Variants in TFDP2 observed in about 807,000 individuals in gnomAD.
The protein encoded by TFDP2 is transcription factor Dp-2 (E2F dimerization partner 2).
TFDP2 carries 17 observed loss-of-function variants against 59.3 expected under a neutral mutation model. That is an observed-to-expected ratio of 0.29 (90% CI 0.20 to 0.43). TFDP2 has a LOEUF of 0.43. Ranked by LOEUF, TFDP2 falls within the 20% of genes least tolerant of loss-of-function variation. The pLI is 1.00. For missense variants in TFDP2, 391 were observed against 528.8 expected (o/e 0.74, Z 2.56); for synonymous variants, 180 against 194.7 (o/e 0.92, Z 0.63).
At chr3:141,999,553 A>C (rs564606512) in intron 4 of TFDP2, among the ~76,000 whole-genome samples, 54 of 152,294 alleles carry the variant, frequency 3.5e-4, no homozygotes, top group African/African-American at 1.2e-3. Flanking sequence ...GAAAAGGGCA[A>C]GTATCTCAAA....
At chr3:141,975,749 C>T (rs1347130360) in intron 7 of TFDP2, among the ~76,000 whole-genome samples, 1 of 149,560 alleles carries the variant, frequency 6.7e-6, no homozygotes, top group African/African-American at 2.5e-5. Context: ...ACTGTAACAA[C>T]AAGTACTGGG....
intron 3 of TFDP2, among the ~76,000 whole-genome samples, chr3:142,050,434 G>A (rs28733293): frequency 2.6e-5 from 4 of 151,848 alleles, no homozygotes; most frequent in Admixed American, 6.6e-5. Flanking sequence ...GGTGGCTCAC[G>A]CCTGTAATCC....
rs1424983171 is a variant in TFDP2, at chr3:142,121,514, C to A, written c.-92-19673G>T. Reference sequence around the variant, plus strand: ...AATTAAGAACTATGAGATGAAAATGCCATCAAACTAGAAGAGTTAACACAG... The same window carrying A: ...AATTAAGAACTATGAGATGAAAATGACATCAAACTAGAAGAGTTAACACAG... On this transcript the variant is annotated intron_variant, in intron 1 of 12. Coordinates refer to ENST00000489671, the MANE Select transcript of TFDP2 (RefSeq NM_001178139.2). This position sits in a 1 kb window ranked among gnomAD's most constrained non-coding sequence, Gnocchi z 4.3. 2.0e-5 allele frequency among the ~76,000 whole-genome samples: 3 copies of A among 152,060 alleles called. No individual in the cohort carries two copies. Among genetic ancestry groups the A allele is most frequent in the African/African-American group, 7.2e-5 (3 of 41,394 alleles).
chr3:142,028,963 G>T (rs1946288308), intron 3 of TFDP2: 1 of 152,902 alleles, frequency 6.5e-6, no homozygotes, highest in Non-Finnish European at 1.5e-5. Flanking sequence ...AAAGTAAAAA[G>T]GGTGAAATAA....
chr3:142,100,086 A>C (rs2061274626), intron 2 of TFDP2, among the ~76,000 whole-genome samples: 1 of 152,236 alleles, frequency 6.6e-6, no homozygotes, highest in Non-Finnish European at 1.5e-5. Flanking sequence ...ATTATAACCC[A>C]AAATAAGCAA....
At chr3:142,144,277 G>C (rs1464382230) in intron 1 of TFDP2, among the ~76,000 whole-genome samples, 3 of 152,024 alleles carry the variant, frequency 2.0e-5, no homozygotes, top group Non-Finnish European at 4.4e-5. Flanking sequence ...GGGAGGTTGA[G>C]GCACAAGAAT....
intron 9 of TFDP2, among the ~76,000 whole-genome samples, chr3:141,969,862 G>A (rs992474909): frequency 6.6e-6 from 1 of 152,188 alleles, no homozygotes; most frequent in African/African-American, 2.4e-5. Flanking sequence ...ACAGGGCAGG[G>A]AAGCTACTGT....
chr3:142,107,378 C>T (rs758293071), intron 1 of TFDP2, among the ~76,000 whole-genome samples: 1 of 151,696 alleles, frequency 6.6e-6, no homozygotes, highest in Admixed American at 6.6e-5. Flanking sequence ...ATTACAGGCG[C>T]GTGCCACCAC....
intron 3 of TFDP2, among the ~76,000 whole-genome samples, chr3:142,065,630 GCCT>G (rs1028917599): frequency 5.3e-5 from 8 of 151,780 alleles, no homozygotes; most frequent in Non-Finnish European, 1.2e-4. Context: ...TCCCACCTCA[GCCT>G]CCTGAGTAGC....
intron 3 of TFDP2, among the ~76,000 whole-genome samples, chr3:142,042,683 G>T (rs1362039429): frequency 8.4e-6 from 1 of 118,824 alleles, no homozygotes; most frequent in Non-Finnish European, 1.7e-5. Context: ...AATCTGTGAT[G>T]AATTTTATAT....
At chr3:141,970,028 A>C in intron 9 of TFDP2, 45 bp downstream of exon 9, 1 of 1,566,084 alleles carries the variant, frequency 6.4e-7, no homozygotes, top group Non-Finnish European at 8.8e-7. Context: ...AAAGGCAGCA[A>C]GTGGAGAAAC....
At chr3:141,959,884 A>T in intron 10 of TFDP2, 44 bp from the exon 11 acceptor site, 1 of 1,593,628 alleles carries the variant, frequency 6.3e-7, no homozygotes, top group Non-Finnish European at 8.6e-7. Context: ...GGTGCTGGAG[A>T]GGTCTGAATA....
rs1012002195 is a variant in TFDP2 at position 141,980,078 on chromosome 3, T to A, written c.357-1396A>T. Among the ~76,000 whole-genome samples the A allele has an allele frequency of 8.0e-4, 121 of 151,708 alleles. 1 individual carries two copies. The highest frequency in any genetic ancestry group is 2.8e-4 in the Non-Finnish European group (19 of 67,876). ...TGCATGTCACCATGCCTCGCTAATT[T>A]CTTTTTTGTAGAGACAGGGTCTCAT... On this transcript the variant is annotated intron_variant, in intron 6 of 12. Transcript: ENST00000489671.
At chr3:141,968,191 C>CTT (rs35807930) in intron 9 of TFDP2, among the ~76,000 whole-genome samples, 1 of 133,038 alleles carries the variant, frequency 7.5e-6, no homozygotes, top group Admixed American at 8.2e-5. Flanking sequence ...TCAGTTTCAG[C>CTT]TTTTTTTTTT....
At chr3:142,120,316 C>T (rs1038421765) in intron 1 of TFDP2, among the ~76,000 whole-genome samples, 3 of 149,006 alleles carry the variant, frequency 2.0e-5, no homozygotes, top group Non-Finnish European at 3.0e-5. Flanking sequence ...GAGCCAAGAT[C>T]GCGCCACTGC....
chr3:142,103,516 TA>T (rs1298134771), intron 1 of TFDP2, among the ~76,000 whole-genome samples: 8 of 152,124 alleles, frequency 5.3e-5, no homozygotes, highest in African/African-American at 1.9e-4. Flanking sequence ...TCCTCTTTCT[TA>T]TAAAAAATAC....
At chr3:141,977,106 AT>A (rs66720095) in intron 7 of TFDP2, among the ~76,000 whole-genome samples, 6,502 of 97,356 alleles carry the variant, frequency 0.067, 215 homozygotes, top group Admixed American at 0.11. Context: ...ATATATATAT[AT>A]TTTTTTTTTT....
intron 8 of TFDP2, among the ~76,000 whole-genome samples, chr3:141,971,391 A>AG (rs1939719776): frequency 6.6e-6 from 1 of 150,986 alleles, no homozygotes. Context: ...AAAAAAAAAA[A>AG]AAAAAAAATT....
intron 5 of TFDP2, 172 bp downstream of exon 5, chr3:141,994,848 T>C (rs954817433): frequency 3.9e-6 from 2 of 512,452 alleles, no homozygotes; most frequent in Admixed American, 7.9e-5. Context: ...AAATAGTTAT[T>C]CCAGAGATTA....
Sources: allele counts gnomAD v4.1 joint callset (sites outside exome capture counted in the v4.1 genomes callset), GRCh38; gene constraint gnomAD v4.1.1; non-coding constraint Gnocchi (gnomAD v3.1); transcripts MANE v1.5; gene names NCBI Gene and HGNC (gene_info 2026-07-23, HGNC 2026-07-21).